The following ENTPD1 variants were observed in gnomAD, a reference collection of about 807,000 sequenced individuals.
ENTPD1 encodes ATP diphosphohydrolase.
Under a neutral mutation model 57.0 loss-of-function variants are expected in ENTPD1, and 33 were observed. That is an observed-to-expected ratio of 0.58 (90% CI 0.44 to 0.77). ENTPD1 has a LOEUF of 0.77. Among genes scored for constraint, ENTPD1 ranks in the 30% least tolerant of loss-of-function variants. ENTPD1 has a pLI of 0.00. For synonymous variants in ENTPD1, 202 were observed against 218.8 expected, an observed-to-expected ratio of 0.92 and a Z score of 0.68; for missense variants, 501 against 603.4, an observed-to-expected ratio of 0.83 and a Z score of 1.78.
intron 1 of ENTPD1, among the ~76,000 whole-genome samples, chr10:95,720,816 A>G (rs1422887062): frequency 6.6e-6 from 1 of 152,164 alleles, no homozygotes; most frequent in African/African-American, 2.4e-5. Flanking sequence ...TGTAGACCAC[A>G]CTGGAAGCAA....
chr10:95,710,028 C>T (rs1395685613), upstream of ENTPD1, among the ~76,000 whole-genome samples: 1 of 152,104 alleles, frequency 6.6e-6, no homozygotes, highest in Admixed American at 6.5e-5. Flanking sequence ...CCCCCCTCGG[C>T]CTCCCAAAGT....
At chr10:95,865,988 C>T (rs2098473746) in intron 9 of ENTPD1, among the ~76,000 whole-genome samples, 189 bp from the exon 10 acceptor site, 1 of 152,168 alleles carries the variant, frequency 6.6e-6, no homozygotes, top group Non-Finnish European at 1.5e-5. Context: ...TAGTCTCAAA[C>T]TCCTGGCCTC....
chr10:95,830,887 T>C (rs2098394508), intron 2 of ENTPD1, among the ~76,000 whole-genome samples: 1 of 152,206 alleles, frequency 6.6e-6, no homozygotes. Context: ...TGAAGACCAC[T>C]GCTTTGAAGG....
Position 95,842,471 on chromosome 10 carries a change from C to T in ENTPD1, c.390C>T (p.Ala130=). ...QHQETPVYLG[A]TAGMRLLRME... ...AAGAGACACCCGTTTACCTGGGAGC[C>T]ACGGCAGGCATGCGGTTGCTCAGGT... Residue 130 remains alanine (A), a synonymous_variant, in exon 4 of 10, where the codon GCC becomes GCT. Transcript: ENST00000371205. 6.2e-7 allele frequency: 1 copy of T among 1,613,946 alleles called. No individual in the cohort carries two copies. Among genetic ancestry groups the T allele is most frequent in the South Asian group, 1.1e-5 (1 of 91,068 alleles).
intron 1 of ENTPD1, among the ~76,000 whole-genome samples, chr10:95,730,903 G>C (rs188977658): frequency 3.3e-4 from 51 of 152,268 alleles, no homozygotes; most frequent in Admixed American, 2.3e-3. Flanking sequence ...GCTTCATTAG[G>C]TCAATAGATC....
intron 2 of ENTPD1, among the ~76,000 whole-genome samples, chr10:95,836,900 T>G (rs1043538170): frequency 3.9e-5 from 6 of 152,218 alleles, no homozygotes; most frequent in Non-Finnish European, 5.9e-5. Context: ...TCAGTCAAGC[T>G]TTATCTGTCT....
At chr10:95,827,028 A>C (rs1360000797) in intron 2 of ENTPD1, among the ~76,000 whole-genome samples, 4 of 152,238 alleles carry the variant, frequency 2.6e-5, no homozygotes, top group Non-Finnish European at 5.9e-5. Context: ...ATAAAAATAT[A>C]AAACAAGCCA....
chr10:95,731,272 G>A (rs889677981), intron 1 of ENTPD1, among the ~76,000 whole-genome samples: 1 of 151,988 alleles, frequency 6.6e-6, no homozygotes, highest in African/African-American at 2.4e-5. Context: ...GCATCAGGGG[G>A]CTTCTGGTTA....
At position 95,873,599 on chromosome 10, in the gene ENTPD1, A is replaced by T; in HGVS notation, c.*7216A>T. On this transcript the variant is annotated 3_prime_UTR_variant, in exon 10 of 10. Coordinates refer to ENST00000371205, the MANE Select transcript of ENTPD1 (RefSeq NM_001776.6). ...GGTTTAGAAGTTTAGCTGGTTTCTT[A>T]TTACTCCTGTCTATGGATGTTTCCT... 1.0e-6 allele frequency: 1 copy of T among 985,440 alleles called. No homozygotes were observed. The highest frequency in any genetic ancestry group is 1.2e-6 in the Non-Finnish European group (1 of 829,944). The allele number at this position is 985,440 out of a possible 1,614,324, so 61.0% of individuals were successfully genotyped here.
Position 95,867,137 on chromosome 10 carries a change from A to G in ENTPD1, c.*754A>G, listed in dbSNP as rs548177103. On this transcript the variant is annotated 3_prime_UTR_variant, in exon 10 of 10. Coordinates refer to ENST00000371205, the MANE Select transcript of ENTPD1 (RefSeq NM_001776.6). ...TTACTATGAGGTAGGTGGTATATAC[A>G]TGTCACAAATAAAAATACAGTTACA... 6.1e-6 allele frequency: 6 copies of G among 985,508 alleles called. No homozygotes were observed. The highest frequency in any genetic ancestry group is 5.2e-4 in the Middle Eastern group (1 of 1,914). The allele number at this position is 985,508 out of a possible 1,614,324, so 61.0% of individuals were successfully genotyped here.
intron 1 of ENTPD1, among the ~76,000 whole-genome samples, chr10:95,819,626 T>G (rs1589997902): frequency 6.6e-6 from 1 of 152,308 alleles, no homozygotes; most frequent in Non-Finnish European, 1.5e-5. Context: ...TCAGCCTGTG[T>G]TTTTTCAAAG....
the ENTPD1 span, among the ~76,000 whole-genome samples, chr10:95,695,246 A>G: frequency 1.4e-4 from 21 of 152,132 alleles, no homozygotes; most frequent in Non-Finnish European, 2.4e-4. Context: ...AAAGTTAACC[A>G]CAGACGTGAG....
At chr10:95,734,939 G>T (rs1388923704) in intron 1 of ENTPD1, among the ~76,000 whole-genome samples, 1 of 151,836 alleles carries the variant, frequency 6.6e-6, no homozygotes, top group Non-Finnish European at 1.5e-5. Context: ...TTTCATGGAA[G>T]AAATTACAGT....
rs1045332537 is a variant in ENTPD1 at position 95,807,743 on chromosome 10, G to A, written c.17-15494G>A. Among the ~76,000 whole-genome samples, 4 of 152,202 alleles carry A rather than the reference G, an allele frequency of 2.6e-5. No homozygotes were observed. The East Asian group carries it at 7.7e-4, about 29-fold the overall frequency. On this transcript the variant is annotated intron_variant, in intron 1 of 9. Coordinates refer to ENST00000371205, the MANE Select transcript of ENTPD1 (RefSeq NM_001776.6). ...CTTGACTGATGTTGGTGTATGGAGT[G>A]TTAGGGAGCTTTGCACATTGATTTT...
intron 5 of ENTPD1, 100 bp downstream of exon 5, chr10:95,844,735 T>TGATA: frequency 7.3e-7 from 1 of 1,370,296 alleles, no homozygotes; most frequent in Non-Finnish European, 1.0e-6. Context: ...AATGAATGAA[T>TGATA]GATAGATGGA....
chr10:95,788,598 C>T (rs1228652113), intron 1 of ENTPD1, among the ~76,000 whole-genome samples: 5 of 145,106 alleles, frequency 3.4e-5, no homozygotes, highest in Non-Finnish European at 7.5e-5. Context: ...GCCTGGGCGA[C>T]AAAGTGAGAC....
chr10:95,698,227 G>A, the ENTPD1 span, among the ~76,000 whole-genome samples: 4 of 152,222 alleles, frequency 2.6e-5, no homozygotes, highest in African/African-American at 9.6e-5. Flanking sequence ...GGGAATTGTG[G>A]AGGGCCAAAC....
intron 1 of ENTPD1, among the ~76,000 whole-genome samples, chr10:95,760,154 A>AGAC (rs2139980193): frequency 6.6e-6 from 1 of 152,340 alleles, no homozygotes; most frequent in Admixed American, 6.5e-5. Context: ...CAACATGATG[A>AGAC]GACTTTGTCT....
intron 1 of ENTPD1, among the ~76,000 whole-genome samples, chr10:95,795,668 A>G (rs1460524415): frequency 1.3e-5 from 2 of 152,138 alleles, no homozygotes; most frequent in East Asian, 1.9e-4. Flanking sequence ...AGAACATGAA[A>G]ATTTAGACAG....
Sources: allele counts gnomAD v4.1 joint callset (sites outside exome capture counted in the v4.1 genomes callset), GRCh38; gene constraint gnomAD v4.1.1; transcripts MANE v1.5; gene names NCBI Gene and HGNC (gene_info 2026-07-23, HGNC 2026-07-21).